SAMTOR: variants seen among roughly 807,000 people sequenced by gnomAD.
SAMTOR encodes the protein UPF0532 protein C7orf60.
chr7:112,823,030 GGAAAT>G, the SAMTOR span, among the ~76,000 whole-genome samples: 1 of 151,984 alleles, frequency 6.6e-6, no homozygotes, highest in Non-Finnish European at 1.5e-5. Flanking sequence ...TTAAAACTAT[GGAAAT>G]GAATCAGAAT....
the SAMTOR span, chr7:112,822,469 A>T: frequency 2.0e-6 from 2 of 997,390 alleles, no homozygotes; most frequent in Non-Finnish European, 3.0e-6. Flanking sequence ...TATCATAGTA[A>T]TTCCAGCATT....
At chr7:112,871,481 T>C in the SAMTOR span, among the ~76,000 whole-genome samples, 1 of 151,966 alleles carries the variant, frequency 6.6e-6, no homozygotes, top group Non-Finnish European at 1.5e-5. Flanking sequence ...AATGAAAATA[T>C]AAACACAACA....
At chr7:112,889,160 T>G in the SAMTOR span, among the ~76,000 whole-genome samples, 1 of 152,218 alleles carries the variant, frequency 6.6e-6, no homozygotes, top group Non-Finnish European at 1.5e-5. Context: ...ATATCTGTTC[T>G]ATGGCAAATT....
the SAMTOR span, among the ~76,000 whole-genome samples, chr7:112,909,235 T>C: frequency 6.6e-6 from 1 of 152,190 alleles, no homozygotes; most frequent in Non-Finnish European, 1.5e-5. Context: ...GGCCATCAAA[T>C]AAAGCCTGCA....
chr7:112,932,897 G>A, the SAMTOR span, among the ~76,000 whole-genome samples: 2 of 152,128 alleles, frequency 1.3e-5, no homozygotes, highest in Non-Finnish European at 2.9e-5. Context: ...CCTGAAGATC[G>A]GACTCTAAAC....
the SAMTOR span, among the ~76,000 whole-genome samples, chr7:112,838,221 T>C: frequency 6.6e-6 from 1 of 151,920 alleles, no homozygotes; most frequent in African/African-American, 2.4e-5. Flanking sequence ...TACAAGTAAG[T>C]AAGTTTTAGT....
the SAMTOR span, among the ~76,000 whole-genome samples, chr7:112,824,509 C>T: frequency 7.9e-5 from 12 of 151,832 alleles, no homozygotes; most frequent in East Asian, 3.9e-4. Flanking sequence ...ACTACAGGCA[C>T]GCACCACCAT....
At chr7:112,889,513 C>T in the SAMTOR span, among the ~76,000 whole-genome samples, 1 of 152,112 alleles carries the variant, frequency 6.6e-6, no homozygotes, top group Non-Finnish European at 1.5e-5. Context: ...AATACACACA[C>T]ACACAATGGG....
chr7:112,855,625 C>G, the SAMTOR span, among the ~76,000 whole-genome samples: 1 of 152,126 alleles, frequency 6.6e-6, no homozygotes. Flanking sequence ...CTGCCCCCTC[C>G]GTTTTCAAAG....
the SAMTOR span, chr7:112,821,189 A>G: frequency 6.6e-6 from 1 of 152,540 alleles, no homozygotes; most frequent in African/African-American, 2.4e-5. Context: ...AAGAATTATC[A>G]CCAATTACAA....
the SAMTOR span, among the ~76,000 whole-genome samples, chr7:112,891,845 T>A: frequency 6.6e-6 from 1 of 152,248 alleles, no homozygotes; most frequent in Non-Finnish European, 1.5e-5. Flanking sequence ...GCCTTGATAC[T>A]CATGGCTGCT....
chr7:112,896,345 C>T, the SAMTOR span, among the ~76,000 whole-genome samples: 1 of 152,188 alleles, frequency 6.6e-6, no homozygotes, highest in Non-Finnish European at 1.5e-5. Context: ...TTTTATCATT[C>T]TCCACAGACA....
At chr7:112,861,379 C>T in the SAMTOR span, among the ~76,000 whole-genome samples, 75 of 152,200 alleles carry the variant, frequency 4.9e-4, no homozygotes, top group African/African-American at 1.7e-3. Context: ...TGGTGGCATG[C>T]ACCTGTAGTC....
the SAMTOR span, among the ~76,000 whole-genome samples, chr7:112,824,359 G>GTTTGTTTT: frequency 6.6e-6 from 1 of 151,346 alleles, no homozygotes; most frequent in Admixed American, 6.6e-5. Context: ...TTTTTTGTTT[G>GTTTGTTTT]TTTGTTTTTT....
the SAMTOR span, among the ~76,000 whole-genome samples, chr7:112,835,970 G>C: frequency 6.6e-6 from 1 of 152,076 alleles, no homozygotes; most frequent in South Asian, 2.1e-4. Flanking sequence ...CTTTATTGTA[G>C]AATGATTTAT....
At chr7:112,912,579 A>G in the SAMTOR span, among the ~76,000 whole-genome samples, 1 of 152,016 alleles carries the variant, frequency 6.6e-6, no homozygotes, top group South Asian at 2.1e-4. Flanking sequence ...ATTATATATA[A>G]CTCAAGTTTC....
chr7:112,855,249 C>A, the SAMTOR span, among the ~76,000 whole-genome samples: 31 of 152,218 alleles, frequency 2.0e-4, no homozygotes, highest in African/African-American at 5.5e-4. Context: ...GATTAATATA[C>A]AATGGAAATA....
At chr7:112,936,879 G>T in the SAMTOR span, among the ~76,000 whole-genome samples, 1 of 152,150 alleles carries the variant, frequency 6.6e-6, no homozygotes, top group Admixed American at 6.5e-5. Flanking sequence ...AAATTCTAGG[G>T]CCACTTCCTG....
chr7:112,888,928 A>G, the SAMTOR span, among the ~76,000 whole-genome samples: 1 of 152,206 alleles, frequency 6.6e-6, no homozygotes, highest in East Asian at 1.9e-4. Context: ...CTGGAGTATT[A>G]TTTGGTATTT....
Sources: gnomAD v4.1 joint callset for allele counts (sites outside exome capture counted in the v4.1 genomes callset) on GRCh38, gnomAD v4.1.1 for gene constraint, MANE v1.5 for transcripts, NCBI Gene and HGNC (gene_info 2026-07-23, HGNC 2026-07-21) for gene names.